UGGT1: variants seen among roughly 807,000 people sequenced by gnomAD.
UGGT1 encodes the protein UDP-glucose:glycoprotein glucosyltransferase 1.
Under a neutral mutation model 203.9 loss-of-function variants are expected in UGGT1, and 107 were observed. That is an observed-to-expected ratio of 0.52 (90% CI 0.45 to 0.62). The LOEUF (loss-of-function observed/expected upper bound fraction) is 0.62, where lower values mean the gene tolerates loss of function less well. Ranked by LOEUF, UGGT1 falls within the 20% of genes least tolerant of loss-of-function variation. The pLI is 0.00. For synonymous variants in UGGT1, 628 were observed against 653.5 expected (o/e 0.96, Z 0.59); for missense variants, 1,673 against 1,867.2 (o/e 0.90, Z 1.92).
At chr2:128,175,739 C>G (rs1691337357) in intron 31 of UGGT1, among the ~76,000 whole-genome samples, 1 of 152,210 alleles carries the variant, frequency 6.6e-6, no homozygotes, top group Non-Finnish European at 1.5e-5. Flanking sequence ...TGCCCTGGCC[C>G]TTGCCAGCCC....
chr2:128,133,583 T>A (rs995040236), intron 14 of UGGT1, among the ~76,000 whole-genome samples: 1 of 152,230 alleles, frequency 6.6e-6, no homozygotes, highest in South Asian at 2.1e-4. Flanking sequence ...TTTTATTTTT[T>A]CTAATCAGCT....
In UGGT1 at chr2:128,113,081, C is replaced by T; in HGVS notation, c.522-3C>T. The T allele has an allele frequency of 6.8e-7, 1 of 1,465,218 alleles. No homozygotes were observed. Among genetic ancestry groups the T allele is most frequent in the South Asian group, 1.5e-5 (1 of 67,454 alleles). 90.8% of individuals were successfully genotyped at this position (1,465,218 alleles called of 1,614,324 possible). A position where few individuals can be genotyped will look rare whatever the true frequency, so the allele number is the denominator to read the frequency against. ...GTTTTGAGCTTTTATTATTTATTTT[C>T]AGACCCAAACCTTTATTGTTCAAAG... On this transcript the variant is annotated splice_polypyrimidine_tract_variant and splice_region_variant and intron_variant, in intron 5 of 40. Coordinates refer to ENST00000259253, the MANE Select transcript of UGGT1 (RefSeq NM_020120.4).
intron 4 of UGGT1, among the ~76,000 whole-genome samples, chr2:128,109,325 T>A (rs564391819): frequency 6.6e-5 from 10 of 152,314 alleles, no homozygotes; most frequent in Non-Finnish European, 1.3e-4. Flanking sequence ...TACCTCAGCC[T>A]CCTTAGTAGC....
At chr2:128,138,567 TTAGAG>T (rs1689256169) in intron 15 of UGGT1, 145 bp from the exon 16 acceptor site, 9 of 872,298 alleles carry the variant, frequency 1.0e-5, no homozygotes, top group Non-Finnish European at 1.5e-5. Flanking sequence ...GCCAATCATG[TTAGAG>T]TAGAGTAGGC....
chr2:128,189,519 C>A (rs955778118), intron 40 of UGGT1, among the ~76,000 whole-genome samples, 198 bp from the exon 41 acceptor site: 4 of 152,154 alleles, frequency 2.6e-5, no homozygotes, highest in African/African-American at 7.2e-5. Context: ...CAGATAGTTT[C>A]CATTTTTAAA....
intron 26 of UGGT1, among the ~76,000 whole-genome samples, chr2:128,166,037 A>G (rs1278218370): frequency 1.3e-5 from 2 of 152,176 alleles, no homozygotes; most frequent in East Asian, 3.9e-4. Flanking sequence ...GCTTGGCCGA[A>G]AACTTTTGTT....
intron 10 of UGGT1, among the ~76,000 whole-genome samples, chr2:128,122,527 T>C (rs1688430298): frequency 6.9e-6 from 1 of 144,256 alleles, no homozygotes; most frequent in Non-Finnish European, 1.5e-5. Context: ...AGAACGAAAC[T>C]CCGTCTAAAA....
chr2:128,112,720 C>T lies in UGGT1; in HGVS notation c.522-364C>T, dbSNP rs143573997. ...ACCTTAGCCTCCCAAGTAGCTAGGA[C>T]TACAGGTGCATGCCACCATACCCAG... On this transcript the variant is annotated intron_variant, in intron 5 of 40. Transcript: ENST00000259253. 1.8e-3 allele frequency among the ~76,000 whole-genome samples: 266 copies of T among 150,966 alleles called. 6 individuals carry two copies. The East Asian group carries it at 0.05, about 28-fold the overall frequency.
At chr2:128,156,120 T>A (rs960373171) in intron 20 of UGGT1, among the ~76,000 whole-genome samples, 1 of 152,338 alleles carries the variant, frequency 6.6e-6, no homozygotes, top group South Asian at 2.1e-4. Context: ...AGTCAGCTAT[T>A]TTTACCGCCT....
intron 2 of UGGT1, among the ~76,000 whole-genome samples, chr2:128,098,748 CAA>C (rs60029946): frequency 1.3e-4 from 12 of 94,886 alleles, no homozygotes; most frequent in Admixed American, 2.4e-4. Context: ...GACTCCGTCT[CAA>C]AAAAAAAAAA....
chr2:128,185,370 A>G (rs1220484352), intron 38 of UGGT1, among the ~76,000 whole-genome samples: 2 of 149,938 alleles, frequency 1.3e-5, no homozygotes, highest in Non-Finnish European at 3.0e-5. Context: ...GGGTTTCACC[A>G]TGTTGGCCAG....
intron 15 of UGGT1, among the ~76,000 whole-genome samples, chr2:128,136,928 ATTG>A (rs920713809): frequency 6.6e-6 from 1 of 152,146 alleles, no homozygotes; most frequent in Non-Finnish European, 1.5e-5. Context: ...GTGGTATGTC[ATTG>A]TTGTTTAATT....
In UGGT1 at chr2:128,158,687, C is replaced by T. The variant is rs370436019; in HGVS notation, c.2356-827C>T. On this transcript the variant is annotated intron_variant, in intron 22 of 40. Coordinates refer to ENST00000259253, the MANE Select transcript of UGGT1 (RefSeq NM_020120.4). ...GAATATTCTCGTATGTCTTTTGGTA[C>T]ACCCAAATATAAATGTCTGTTGCTT... Among the ~76,000 whole-genome samples, 19 of 152,308 alleles carry T rather than the reference C, an allele frequency of 1.2e-4. No homozygotes were observed. In the East Asian group the frequency reaches 3.3e-3, roughly 26 times the overall value.
chr2:128,176,741 CAGATGCTCTG>C, intron 31 of UGGT1, 63 bp from the exon 32 acceptor site: 2 of 1,380,580 alleles, frequency 1.4e-6, no homozygotes, highest in East Asian at 2.3e-5. Flanking sequence ...ATGATGGACT[CAGATGCTCTG>C]AGAGCATTTG....
chr2:128,092,273 C>T (rs1452005490), intron 1 of UGGT1, among the ~76,000 whole-genome samples: 1 of 150,326 alleles, frequency 6.7e-6, no homozygotes, highest in East Asian at 1.9e-4. Context: ...TTTAGCAACA[C>T]TTGACTTGCT....
Position 128,127,465 on chromosome 2 carries a change from T to G in UGGT1, c.1226+13T>G. 1 of 1,589,636 alleles carries G rather than the reference T, an allele frequency of 6.3e-7. No individual in the cohort carries two copies. Among genetic ancestry groups the G allele is most frequent in the Non-Finnish European group, 8.6e-7 (1 of 1,162,222 alleles). ...AGGATATATTCAGGTATGGATAATATTTTTCATTCTCTGAAAAGTTTTTGT... is the reference window on the plus strand; with the variant it reads ...AGGATATATTCAGGTATGGATAATAGTTTTCATTCTCTGAAAAGTTTTTGT... On this transcript the variant is annotated intron_variant, in intron 12 of 40. Coordinates refer to ENST00000259253, the MANE Select transcript of UGGT1 (RefSeq NM_020120.4).
chr2:128,163,374 T>G (rs1573599985), intron 25 of UGGT1, among the ~76,000 whole-genome samples: 1 of 25,290 alleles, frequency 4.0e-5, no homozygotes, highest in Non-Finnish European at 1.0e-4. Flanking sequence ...AATTGGAGTG[T>G]TTTTTTTTTT....
intron 15 of UGGT1, among the ~76,000 whole-genome samples, chr2:128,135,781 A>G (rs1480756412): frequency 6.6e-6 from 1 of 152,234 alleles, no homozygotes; most frequent in Non-Finnish European, 1.5e-5. Flanking sequence ...TCATTGAGAT[A>G]TTTGGGAAGC....
intron 37 of UGGT1, 91 bp from the exon 38 acceptor site, chr2:128,183,584 T>G: frequency 1.1e-6 from 1 of 869,908 alleles, no homozygotes; most frequent in Non-Finnish European, 1.9e-6. Context: ...AGCCAGAATA[T>G]TTGGCTAGTG....
Sources: gnomAD v4.1 joint callset for allele counts (sites outside exome capture counted in the v4.1 genomes callset) on GRCh38, gnomAD v4.1.1 for gene constraint, MANE v1.5 for transcripts, NCBI Gene and HGNC (gene_info 2026-07-23, HGNC 2026-07-21) for gene names.